PELI2: variants seen among roughly 807,000 people sequenced by gnomAD.
PELI2 encodes pellino E3 ubiquitin protein ligase family member 2.
A neutral mutation model predicts 42.3 loss-of-function variants in PELI2; 23 were observed. The observed-to-expected ratio is 0.54, with a 90% CI of 0.39 to 0.77. The LOEUF (loss-of-function observed/expected upper bound fraction) is 0.77, where lower values mean the gene tolerates loss of function less well. PELI2 is among the 30% of genes least tolerant of loss of function. The probability of loss-of-function intolerance (pLI) is 0.00; values close to 1 mark genes in which losing one functional copy is unlikely to be tolerated. For missense variants in PELI2, 463 were observed against 553.2 expected (o/e 0.84, Z 1.64); for synonymous variants, 245 against 212.2 (o/e 1.15, Z -1.34).
chr14:56,285,425 T>G (rs184503493), intron 3 of PELI2, among the ~76,000 whole-genome samples: 228 of 152,284 alleles, frequency 1.5e-3, no homozygotes, highest in African/African-American at 5.3e-3. Flanking sequence ...ACATTTGAGA[T>G]ATTTATCAAA....
intron 2 of PELI2, among the ~76,000 whole-genome samples, chr14:56,200,112 C>A (rs1886279078): frequency 1.5e-5 from 1 of 65,062 alleles, no homozygotes; most frequent in African/African-American, 3.9e-5. Context: ...TGTTTACATT[C>A]TTTTTAATCT....
chr14:56,204,325 C>T (rs4898886), intron 2 of PELI2, among the ~76,000 whole-genome samples: 61,020 of 151,930 alleles, frequency 0.4, 12,988 homozygotes, highest in South Asian at 0.53. Context: ...CAGCTTAGAG[C>T]GATATTCATA....
At chr14:56,139,222 G>C (rs1883807632) in intron 1 of PELI2, among the ~76,000 whole-genome samples, 1 of 152,152 alleles carries the variant, frequency 6.6e-6, no homozygotes, top group African/African-American at 2.4e-5. Flanking sequence ...GAAGACAGAT[G>C]GGCCAAGGAA....
At chr14:56,149,599 T>C (rs1010842075) in intron 1 of PELI2, among the ~76,000 whole-genome samples, 1 of 147,802 alleles carries the variant, frequency 6.8e-6, no homozygotes, top group Non-Finnish European at 1.5e-5. Context: ...ACCTTTTACT[T>C]TTTTTTTTTC....
intron 2 of PELI2, among the ~76,000 whole-genome samples, chr14:56,239,621 T>C (rs1404884095): frequency 6.6e-6 from 1 of 152,212 alleles, no homozygotes; most frequent in Non-Finnish European, 1.5e-5. Flanking sequence ...AGAGTAAGCC[T>C]CCTGTTTATC....
At chr14:56,145,382 G>T (rs1329923878) in intron 1 of PELI2, among the ~76,000 whole-genome samples, 2 of 152,166 alleles carry the variant, frequency 1.3e-5, no homozygotes, top group Non-Finnish European at 2.9e-5. Flanking sequence ...TGAGATTTGG[G>T]TTGGGACACA....
chr14:56,281,668 A>G (rs1311590933), intron 3 of PELI2, among the ~76,000 whole-genome samples: 2 of 152,168 alleles, frequency 1.3e-5, no homozygotes, highest in South Asian at 4.1e-4. Context: ...TTTGTATCAC[A>G]AAAGGTTAAT....
intron 1 of PELI2, among the ~76,000 whole-genome samples, chr14:56,163,351 C>T (rs1222411848): frequency 1.3e-5 from 2 of 152,024 alleles, no homozygotes; most frequent in East Asian, 3.9e-4. Context: ...AGCGTATGTT[C>T]TTAGTACATT....
intron 3 of PELI2, among the ~76,000 whole-genome samples, chr14:56,282,807 T>G (rs1889523504): frequency 1.3e-5 from 2 of 152,260 alleles, no homozygotes; most frequent in South Asian, 4.1e-4. Flanking sequence ...CTGTTGATAT[T>G]TTTATGGAAC....
chr14:56,297,339 G>T lies in PELI2; in HGVS notation c.*173G>T, dbSNP rs1890043295. ...GGCAGGAGTGTAACAGATACCAGTG[G>T]TGTGTTGCATGCTCAAAACAGCAGC... On this transcript the variant is annotated 3_prime_UTR_variant, in exon 6 of 6. Coordinates refer to ENST00000267460, the MANE Select transcript of PELI2 (RefSeq NM_021255.3). The T allele has an allele frequency of 3.4e-6, 2 of 588,278 alleles. No homozygotes were observed. Among genetic ancestry groups the T allele is most frequent in the Non-Finnish European group, 6.1e-6 (2 of 330,554 alleles). 36.4% of individuals were successfully genotyped at this position (588,278 alleles called of 1,614,324 possible).
Position 56,180,559 on chromosome 14 carries a change from G to A in PELI2, c.207+2095G>A, listed in dbSNP as rs1885541961. 6.6e-6 allele frequency among the ~76,000 whole-genome samples: 1 copy of A among 152,172 alleles called. No individual in the cohort carries two copies. Among genetic ancestry groups the A allele is most frequent in the South Asian group, 2.1e-4 (1 of 4,832 alleles). ...TCTGATAGGTCTCCCCTGGGTCACC[G>A]AACTATGACCAAGGGAGATGGGCAA... On this transcript the variant is annotated intron_variant, in intron 2 of 5. Transcript: ENST00000267460. The surrounding 1 kb of genome is among the most constrained non-coding windows in gnomAD (Gnocchi z 4.4).
At chr14:56,185,955 C>T (rs1261629416) in intron 2 of PELI2, among the ~76,000 whole-genome samples, 1 of 152,066 alleles carries the variant, frequency 6.6e-6, no homozygotes, top group East Asian at 1.9e-4. Context: ...ACATTAATCA[C>T]TGGAATCTGT....
chr14:56,187,984 A>G (rs902284338), intron 2 of PELI2, among the ~76,000 whole-genome samples: 1 of 152,124 alleles, frequency 6.6e-6, no homozygotes, highest in African/African-American at 2.4e-5. Context: ...GTTGCCCAGG[A>G]TGATCTTCAG....
At chr14:56,218,051 G>T (rs1886975121) in intron 2 of PELI2, among the ~76,000 whole-genome samples, 1 of 152,146 alleles carries the variant, frequency 6.6e-6, no homozygotes, top group African/African-American at 2.4e-5. Flanking sequence ...AAAAATTGAG[G>T]CATAATGAGG....
At chr14:56,173,436 GA>G (rs1885251892) in intron 1 of PELI2, among the ~76,000 whole-genome samples, 1 of 151,474 alleles carries the variant, frequency 6.6e-6, no homozygotes, top group East Asian at 1.9e-4. Flanking sequence ...ACTTTGTATT[GA>G]AAACAACTCT....
chr14:56,135,203 C>T (rs1016207291), intron 1 of PELI2, among the ~76,000 whole-genome samples: 2 of 152,118 alleles, frequency 1.3e-5, no homozygotes, highest in South Asian at 2.1e-4. Context: ...GTGAGGGCCC[C>T]GTGAGTAGAA....
chr14:56,128,740 T>A (rs1254484289), intron 1 of PELI2, among the ~76,000 whole-genome samples: 1 of 151,856 alleles, frequency 6.6e-6, no homozygotes. Flanking sequence ...ATATTTGGGC[T>A]AGGGTTATAG....
At chr14:56,164,191 C>T (rs890699697) in intron 1 of PELI2, among the ~76,000 whole-genome samples, 1 of 152,052 alleles carries the variant, frequency 6.6e-6, no homozygotes. Flanking sequence ...TCATATATAG[C>T]TCTTATTATG....
rs1175601588 is a variant in PELI2, at chr14:56,296,771, A to G, written c.868A>G (p.Thr290Ala). The G allele has an allele frequency of 6.2e-7, 1 of 1,613,954 alleles. No individual in the cohort carries two copies. Among genetic ancestry groups the G allele is most frequent in the South Asian group, 1.1e-5 (1 of 91,058 alleles). Residue 290 changes from threonine to alanine, a missense_variant, in exon 6 of 6, where the codon ACC (threonine) becomes GCC (alanine). Physicochemically the swap from Thr to Ala is moderately conservative, Grantham distance 58 (BLOSUM62 0). Around this residue, in one of 3 missense-constraint regions of PELI2, gnomAD observed 17 missense variants for 45.3 expected, o/e 0.38. Transcript: ENST00000267460. ...ARPQCPVGLNTLAFPSINRKE... is the reference protein window; with the variant it reads ...ARPQCPVGLNALAFPSINRKE... ...GCCTCAGTGTCCTGTGGGGCTCAAC[A>G]CCCTGGCCTTCCCCAGCATCAACAG...
Sources: gnomAD v4.1 joint callset for allele counts (sites outside exome capture counted in the v4.1 genomes callset) on GRCh38, gnomAD v4.1.1 for gene constraint, gnomAD v4.1.1 regional missense constraint, Gnocchi (gnomAD v3.1) non-coding constraint, MANE v1.5 for transcripts, NCBI Gene and HGNC (gene_info 2026-07-23, HGNC 2026-07-21) for gene names.